The following CCSER1 variants were observed in gnomAD, a reference collection of about 807,000 sequenced individuals.
CCSER1 encodes the protein serine-rich coiled-coil domain-containing protein 1.
In CCSER1, 41 loss-of-function variants were observed where a neutral mutation model predicts 82.0. The observed-to-expected ratio is 0.50, with a 90% CI of 0.39 to 0.65. CCSER1 has a LOEUF of 0.65. Ranked by LOEUF, CCSER1 falls within the 30% of genes least tolerant of loss-of-function variation. CCSER1 has a pLI of 0.00. For missense variants in CCSER1, 1,119 were observed against 1,064.2 expected, an observed-to-expected ratio of 1.05 and a Z score of -0.72; for synonymous variants, 414 against 383.9, an observed-to-expected ratio of 1.08 and a Z score of -0.92.
At chr4:90,203,856 G>T (rs1469070696) in intron 1 of CCSER1, among the ~76,000 whole-genome samples, 1 of 152,082 alleles carries the variant, frequency 6.6e-6, no homozygotes, top group African/African-American at 2.4e-5. Flanking sequence ...AGCATCTGTT[G>T]TTTCCTGATT....
intron 1 of CCSER1, among the ~76,000 whole-genome samples, chr4:90,278,460 A>G (rs982938355): frequency 1.3e-5 from 2 of 152,152 alleles, no homozygotes; most frequent in African/African-American, 4.8e-5. Context: ...GATAAAGAAA[A>G]TGTGGTCCAT....
rs549933820 is a variant in CCSER1 at position 91,383,310 on chromosome 4, T to G, written c.2218-215262T>G. 4.6e-5 allele frequency among the ~76,000 whole-genome samples: 7 copies of G among 152,278 alleles called. 1 individual carries two copies. The highest frequency in any genetic ancestry group is 1.3e-4 in the Admixed American group (2 of 15,296). The stretch of plus-strand genomic sequence containing the variant: ...AATATGAAGTATCACAATCATTCAT[T>G]CTTCAAGCTTTCCTAACCATTTTTT... On this transcript the variant is annotated intron_variant, in intron 10 of 10. Coordinates refer to ENST00000509176, the MANE Select transcript of CCSER1 (RefSeq NM_001145065.2).
chr4:90,783,463 T>C lies in CCSER1; in HGVS notation c.2011-32299T>C, dbSNP rs144767997. Among the ~76,000 whole-genome samples the C allele has an allele frequency of 3.9e-5, 6 of 152,240 alleles. No individual in the cohort carries two copies. The East Asian group carries it at 1.2e-3, about 29-fold the overall frequency. On this transcript the variant is annotated intron_variant, in intron 7 of 10. Transcript: ENST00000509176. ...GACTGAATGCTGAGTGTGGACTAGCTTGAGAGTAAGAAACTCCTGGGGATC... is the reference window on the plus strand; with the variant it reads ...GACTGAATGCTGAGTGTGGACTAGCCTGAGAGTAAGAAACTCCTGGGGATC...
At chr4:90,245,295 T>C (rs907912305) in intron 1 of CCSER1, among the ~76,000 whole-genome samples, 3 of 152,210 alleles carry the variant, frequency 2.0e-5, no homozygotes, top group Non-Finnish European at 2.9e-5. Flanking sequence ...GTTTTTAGGC[T>C]AAATATGTCC....
intron 9 of CCSER1, among the ~76,000 whole-genome samples, chr4:90,930,948 CAT>C (rs1274812739): frequency 3.6e-5 from 4 of 112,104 alleles, no homozygotes; most frequent in South Asian, 2.8e-4. Context: ...ATACACATGA[CAT>C]ATATATACAT....
At chr4:90,549,577 T>C (rs1331712845) in intron 5 of CCSER1, among the ~76,000 whole-genome samples, 8 of 152,144 alleles carry the variant, frequency 5.3e-5, no homozygotes, top group Non-Finnish European at 7.4e-5. Context: ...CAGGGAACTG[T>C]GTACCATATG....
chr4:91,467,484 T>A (rs13104595), intron 10 of CCSER1, among the ~76,000 whole-genome samples: 127,434 of 152,134 alleles, frequency 0.84, 53,841 homozygotes, highest in African/African-American at 0.94. Flanking sequence ...TGGCAACAAA[T>A]GCCAAAATAG....
At chr4:90,455,978 C>G (rs767614480) in intron 4 of CCSER1, among the ~76,000 whole-genome samples, 4 of 152,056 alleles carry the variant, frequency 2.6e-5, no homozygotes, top group Non-Finnish European at 4.4e-5. Flanking sequence ...GGTGTATGGA[C>G]CCATTAAATT....
At chr4:90,618,805 T>C (rs1473321738) in intron 5 of CCSER1, among the ~76,000 whole-genome samples, 2 of 151,896 alleles carry the variant, frequency 1.3e-5, no homozygotes, top group Non-Finnish European at 2.9e-5. Context: ...AAGTTCATAA[T>C]AAGTAAATCA....
intron 9 of CCSER1, among the ~76,000 whole-genome samples, chr4:91,083,902 TTAGA>T (rs1723082173): frequency 6.6e-6 from 1 of 152,116 alleles, no homozygotes; most frequent in Admixed American, 6.6e-5. Context: ...AGTTCCAGAA[TTAGA>T]TGGTAGGAAA....
chr4:90,479,592 G>T (rs1216032579), intron 5 of CCSER1, among the ~76,000 whole-genome samples: 1 of 150,310 alleles, frequency 6.7e-6, no homozygotes, highest in South Asian at 2.1e-4. Flanking sequence ...TGTACTCATT[G>T]ATCAATTCCC....
intron 8 of CCSER1, among the ~76,000 whole-genome samples, chr4:90,854,386 A>G (rs1354923871): frequency 1.3e-5 from 2 of 152,174 alleles, no homozygotes. Context: ...CTAAAACCAT[A>G]TATTTCAAGT....
intron 1 of CCSER1, among the ~76,000 whole-genome samples, chr4:90,285,191 G>A (rs1729636097): frequency 6.6e-6 from 1 of 151,910 alleles, no homozygotes; most frequent in Admixed American, 6.6e-5. Flanking sequence ...AATGTCATTG[G>A]TGTTTTGATA....
intron 6 of CCSER1, among the ~76,000 whole-genome samples, chr4:90,720,843 A>G (rs537177547): frequency 1.3e-5 from 2 of 152,154 alleles, no homozygotes; most frequent in East Asian, 1.9e-4. Context: ...AACACTCAAA[A>G]TATCAACTTT....
intron 10 of CCSER1, among the ~76,000 whole-genome samples, chr4:91,463,739 G>T (rs1193756211): frequency 6.6e-6 from 1 of 152,200 alleles, no homozygotes; most frequent in Non-Finnish European, 1.5e-5. Context: ...CGATCAATGG[G>T]AAGAAAGGGT....
intron 10 of CCSER1, among the ~76,000 whole-genome samples, chr4:91,541,343 T>A (rs7661517): frequency 0.68 from 103,357 of 152,108 alleles, 35,774 homozygotes; most frequent in African/African-American, 0.82. Flanking sequence ...CTCGTCATTT[T>A]TATTAGGTAT....
intron 1 of CCSER1, among the ~76,000 whole-genome samples, chr4:90,273,025 A>T (rs1375557157): frequency 3.3e-5 from 5 of 151,936 alleles, no homozygotes; most frequent in African/African-American, 1.2e-4. Context: ...AAACAAACAA[A>T]AAAAAACAGA....
chr4:91,314,172 G>C (rs1194936485), intron 10 of CCSER1, among the ~76,000 whole-genome samples: 2 of 151,964 alleles, frequency 1.3e-5, no homozygotes, highest in African/African-American at 4.8e-5. Context: ...ATGAAAACAA[G>C]TGGTAAATAA....
At chr4:90,321,494 T>A (rs910628943) in intron 3 of CCSER1, among the ~76,000 whole-genome samples, 1 of 152,194 alleles carries the variant, frequency 6.6e-6, no homozygotes, top group Admixed American at 6.6e-5. Flanking sequence ...TTGCATGTCC[T>A]GGCTATTGTG....
Sources: gnomAD v4.1 joint callset for allele counts (sites outside exome capture counted in the v4.1 genomes callset) on GRCh38, gnomAD v4.1.1 for gene constraint, MANE v1.5 for transcripts, NCBI Gene and HGNC (gene_info 2026-07-23, HGNC 2026-07-21) for gene names.